SLIT1: variants seen among roughly 807,000 people sequenced by gnomAD.
SLIT1 encodes slit homolog 1 protein.
In SLIT1, 66 loss-of-function variants were observed where a neutral mutation model predicts 186.1. The ratio of observed to expected loss-of-function variants is 0.35; its 90% CI spans 0.29 to 0.44. SLIT1 has a LOEUF of 0.44. Among genes scored for constraint, SLIT1 ranks in the 20% least tolerant of loss-of-function variants. SLIT1 has a pLI of 1.00. For missense variants in SLIT1, 1,638 were observed against 2,037.4 expected (o/e 0.80, Z 3.77); for synonymous variants, 761 against 833.8 (o/e 0.91, Z 1.50).
At position 97,057,356 on chromosome 10, in the gene SLIT1, C is replaced by T. The variant is rs1212898380; in HGVS notation, c.1086-75G>A. On this transcript the variant is annotated intron_variant, in intron 11 of 36. Coordinates refer to ENST00000266058, the MANE Select transcript of SLIT1 (RefSeq NM_003061.3). ...AATAGCACAACTCTGCAGACGGCCC[C>T]AGCTCAACAGCGCTGCCCCTAAGCC... 8.4e-6 allele frequency: 10 copies of T among 1,190,486 alleles called. 1 individual carries two copies. Among genetic ancestry groups the T allele is most frequent in the Non-Finnish European group, 1.2e-5 (10 of 803,156 alleles). 73.7% of individuals were successfully genotyped at this position (1,190,486 alleles called of 1,614,324 possible).
chr10:97,090,946 C>T (rs1391807735), intron 4 of SLIT1, among the ~76,000 whole-genome samples: 1 of 152,242 alleles, frequency 6.6e-6, no homozygotes, highest in Non-Finnish European at 1.5e-5. Flanking sequence ...GGCGGCAGAG[C>T]ACATCTGCCC....
In SLIT1 at chr10:97,022,602, G is replaced by A. The variant is rs111277127; in HGVS notation, c.2583-1189C>T. On this transcript the variant is annotated intron_variant, in intron 25 of 36. Coordinates refer to ENST00000266058, the MANE Select transcript of SLIT1 (RefSeq NM_003061.3). The surrounding 1 kb of genome is among the most constrained non-coding windows in gnomAD (Gnocchi z 4.2). ...TCTGATCCAGCCATTGTTTCTGGGC[G>A]TTTACCTGTAGGCACACATAAAGAC... Among the ~76,000 whole-genome samples, 1,175 of 152,280 alleles carry A rather than the reference G, an allele frequency of 7.7e-3. 12 individuals are homozygous for A. The highest frequency in any genetic ancestry group is 0.017 in the Middle Eastern group (5 of 294).
Position 97,057,194 on chromosome 10 carries a change from C to G in SLIT1, c.1157+16G>C. The G allele has an allele frequency of 1.2e-6, 2 of 1,610,864 alleles. No homozygotes were observed. Among genetic ancestry groups the G allele is most frequent in the Non-Finnish European group, 1.7e-6 (2 of 1,177,370 alleles). On this transcript the variant is annotated intron_variant, in intron 12 of 36. Coordinates refer to ENST00000266058, the MANE Select transcript of SLIT1 (RefSeq NM_003061.3). ...TTCCCTGGGTCCCACCCAAGACACC[C>G]AGGATTCGTTCTTACAGGAGCTGTA...
chr10:97,174,975 A>G (rs182484540), intron 1 of SLIT1, among the ~76,000 whole-genome samples: 3 of 152,368 alleles, frequency 2.0e-5, no homozygotes, highest in East Asian at 3.9e-4. Context: ...TAAAATGTAT[A>G]TATTCAGATT....
chr10:97,122,945 C>T (rs762898713), intron 4 of SLIT1, among the ~76,000 whole-genome samples: 1 of 152,226 alleles, frequency 6.6e-6, no homozygotes, highest in Admixed American at 6.5e-5. Flanking sequence ...CCAGCATCTC[C>T]AGGCCCCTCA....
At chr10:97,165,872 G>A (rs1850098733) in intron 1 of SLIT1, among the ~76,000 whole-genome samples, 1 of 152,038 alleles carries the variant, frequency 6.6e-6, no homozygotes, top group South Asian at 2.1e-4. Flanking sequence ...GGACCCACCT[G>A]AGGAGCTGTC....
chr10:97,047,765 T>G lies in SLIT1; in HGVS notation c.1559A>C (p.Glu520Ala), dbSNP rs1006653678. ...GCTGGAGCACTCCACCACGTTGGCC[T>G]CACAGCGGCACTTGTGGGGACAGAC... Reference protein sequence around the residue: ...DVVCPHKCRCEANVVECSSLK... With the variant: ...DVVCPHKCRCAANVVECSSLK... Residue 520 changes from glutamate to alanine, a missense_variant, in exon 16 of 37, where the codon GAG becomes GCG. Transcript: ENST00000266058. 3 of 1,613,960 alleles carry G rather than the reference T, an allele frequency of 1.9e-6. No homozygotes were observed. Among genetic ancestry groups the G allele is most frequent in the Non-Finnish European group, 2.5e-6 (3 of 1,179,994 alleles).
chr10:97,082,454 G>A (rs1186365359), intron 4 of SLIT1, among the ~76,000 whole-genome samples: 1 of 151,898 alleles, frequency 6.6e-6, no homozygotes, highest in Non-Finnish European at 1.5e-5. Context: ...TTTATTTTTT[G>A]AGAGGAGTCT....
Position 97,001,045 on chromosome 10 carries a change from G to T in SLIT1, c.*67C>A. 2.3e-6 allele frequency: 3 copies of T among 1,329,222 alleles called. No individual in the cohort carries two copies. The highest frequency in any genetic ancestry group is 2.5e-5 in the South Asian group (2 of 80,442). The allele number at this position is 1,329,222 out of a possible 1,614,324, so 82.3% of individuals were successfully genotyped here. Reference sequence around the variant, plus strand: ...CCTGCACCCCAGCCCAGCTGCTGGCGACTGTCTCCGCTGCTGCAGCGGCTG... The same window carrying T: ...CCTGCACCCCAGCCCAGCTGCTGGCTACTGTCTCCGCTGCTGCAGCGGCTG... On this transcript the variant is annotated 3_prime_UTR_variant, in exon 37 of 37. Coordinates refer to ENST00000266058, the MANE Select transcript of SLIT1 (RefSeq NM_003061.3).
chr10:97,042,468 T>C (rs898115695), intron 20 of SLIT1, among the ~76,000 whole-genome samples: 1 of 151,818 alleles, frequency 6.6e-6, no homozygotes, highest in Non-Finnish European at 1.5e-5. Context: ...GTGACCAGGG[T>C]TTCCTACATA....
intron 25 of SLIT1, among the ~76,000 whole-genome samples, chr10:97,028,053 C>T (rs1848561548): frequency 6.6e-6 from 1 of 152,080 alleles, no homozygotes; most frequent in Admixed American, 6.5e-5. Context: ...CCCTTGGTGC[C>T]CAGCAGAGAC....
chr10:97,185,677 T>C lies in SLIT1; in HGVS notation c.-3A>G. 1 of 1,519,352 alleles carries C rather than the reference T, an allele frequency of 6.6e-7. No homozygotes were observed. Among genetic ancestry groups the C allele is most frequent in the Non-Finnish European group, 8.8e-7 (1 of 1,139,044 alleles). The allele number at this position is 1,519,352 out of a possible 1,614,324, so 94.1% of individuals were successfully genotyped here. A position where few individuals can be genotyped will look rare whatever the true frequency, so the allele number is the denominator to read the frequency against. ...CCCCACCCGGGAGTCAGCGCCATGGTGCCCTCACAGCGTCCCGCTCGCGAG... is the reference window on the plus strand; with the variant it reads ...CCCCACCCGGGAGTCAGCGCCATGGCGCCCTCACAGCGTCCCGCTCGCGAG... On this transcript the variant is annotated 5_prime_UTR_variant, in exon 1 of 37. Transcript: ENST00000266058.
intron 4 of SLIT1, among the ~76,000 whole-genome samples, chr10:97,083,199 T>C (rs1479666554): frequency 1.3e-5 from 2 of 152,190 alleles, no homozygotes; most frequent in Non-Finnish European, 2.9e-5. Context: ...CCTCCCAAAG[T>C]GCTGGGATTA....
intron 1 of SLIT1, among the ~76,000 whole-genome samples, chr10:97,173,398 T>C (rs546304613): frequency 6.6e-6 from 1 of 151,740 alleles, no homozygotes; most frequent in African/African-American, 2.4e-5. Context: ...ACAGGTTGAG[T>C]GGCAGAGCTG....
intron 4 of SLIT1, among the ~76,000 whole-genome samples, chr10:97,097,438 C>G (rs1430034229): frequency 6.6e-6 from 1 of 152,178 alleles, no homozygotes; most frequent in Non-Finnish European, 1.5e-5. Context: ...CAACTCAATG[C>G]ACTAAAAGGT....
intron 4 of SLIT1, among the ~76,000 whole-genome samples, chr10:97,148,476 G>GATGGGGT (rs57641846): frequency 4.0e-5 from 6 of 151,380 alleles, no homozygotes; most frequent in South Asian, 2.1e-4. Flanking sequence ...TTTTTGTAGA[G>GATGGGGT]CCTATGCTGC....
chr10:97,137,465 C>T (rs1323867821), intron 4 of SLIT1, among the ~76,000 whole-genome samples: 1 of 152,138 alleles, frequency 6.6e-6, no homozygotes, highest in Admixed American at 6.5e-5. Flanking sequence ...TATTTTGTTC[C>T]CCATATTTTC....
intron 20 of SLIT1, 137 bp downstream of exon 20, chr10:97,042,763 TC>T: frequency 1.2e-6 from 1 of 864,434 alleles, no homozygotes; most frequent in Non-Finnish European, 1.8e-6. Context: ...AAACAGGGCC[TC>T]CCCTCCCCAC....
At position 97,182,890 on chromosome 10, in the gene SLIT1, C is replaced by T. The variant is rs935003882; in HGVS notation, c.197+2588G>A. Among the ~76,000 whole-genome samples the T allele has an allele frequency of 6.0e-5, 9 of 151,168 alleles. No homozygotes were observed. In the East Asian group the frequency reaches 1.2e-3, roughly 20 times the overall value. ...CCTGTAATCCCAACACTTTGGGAGG[C>T]GGAGGCAGGAGGATTGCTTGAGCCC... On this transcript the variant is annotated intron_variant, in intron 1 of 36. Coordinates refer to ENST00000266058, the MANE Select transcript of SLIT1 (RefSeq NM_003061.3).
Sources: allele counts gnomAD v4.1 joint callset (sites outside exome capture counted in the v4.1 genomes callset), GRCh38; gene constraint gnomAD v4.1.1; non-coding constraint Gnocchi (gnomAD v3.1); transcripts MANE v1.5; gene names NCBI Gene and HGNC (gene_info 2026-07-23, HGNC 2026-07-21).